PSTPIP2: variants seen among roughly 807,000 people sequenced by gnomAD.
PSTPIP2 encodes the protein proline-serine-threonine phosphatase interacting protein 2.
In PSTPIP2, 33 loss-of-function variants were observed where a neutral mutation model predicts 63.3. That is an observed-to-expected ratio of 0.52 (90% CI 0.40 to 0.70). The LOEUF (loss-of-function observed/expected upper bound fraction) is 0.70, where lower values mean the gene tolerates loss of function less well. PSTPIP2 is among the 30% of genes least tolerant of loss of function. The pLI is 0.00. For missense variants in PSTPIP2, 312 were observed against 400.7 expected (o/e 0.78, Z 1.89); for synonymous variants, 125 against 132.7 (o/e 0.94, Z 0.40).
intron 13 of PSTPIP2, among the ~76,000 whole-genome samples, chr18:45,990,329 T>G (rs1310862662): frequency 6.6e-6 from 1 of 152,244 alleles, no homozygotes; most frequent in Non-Finnish European, 1.5e-5. Flanking sequence ...GGAATTTGAT[T>G]CTATTTAATC....
intron 5 of PSTPIP2, among the ~76,000 whole-genome samples, chr18:46,008,563 C>T (rs1192851624): frequency 1.3e-5 from 2 of 152,102 alleles, no homozygotes; most frequent in Non-Finnish European, 2.9e-5. Flanking sequence ...GCGCCCACCT[C>T]GGCAAAGTGC....
At chr18:46,003,079 T>A (rs914703626) in intron 6 of PSTPIP2, among the ~76,000 whole-genome samples, 1 of 152,234 alleles carries the variant, frequency 6.6e-6, no homozygotes, top group Non-Finnish European at 1.5e-5. Flanking sequence ...ATCTCATTAC[T>A]GTCATGTGAG....
chr18:46,010,312 C>T (rs997314979), intron 5 of PSTPIP2, among the ~76,000 whole-genome samples: 4 of 152,140 alleles, frequency 2.6e-5, no homozygotes, highest in South Asian at 2.1e-4. Flanking sequence ...AAGGGACCCC[C>T]GGGCAGGGTG....
chr18:46,044,661 A>G (rs918846495), intron 1 of PSTPIP2, among the ~76,000 whole-genome samples: 1 of 152,062 alleles, frequency 6.6e-6, no homozygotes, highest in Non-Finnish European at 1.5e-5. Context: ...GACAAATGGG[A>G]TCTAATTCAA....
At chr18:46,021,442 A>ATATAT (rs67578476) in intron 3 of PSTPIP2, among the ~76,000 whole-genome samples, 2 of 150,082 alleles carry the variant, frequency 1.3e-5, no homozygotes, top group Non-Finnish European at 3.0e-5. Flanking sequence ...TATATATATA[A>ATATAT]AAAACCAAAT....
intron 14 of PSTPIP2, 110 bp downstream of exon 14, chr18:45,988,592 T>C: frequency 3.2e-6 from 3 of 926,488 alleles, no homozygotes; most frequent in Non-Finnish European, 5.1e-6. Flanking sequence ...ACCTGCCTCA[T>C]GCAAGGCCTT....
intron 1 of PSTPIP2, among the ~76,000 whole-genome samples, chr18:46,059,858 T>C (rs1245826575): frequency 6.6e-6 from 1 of 151,872 alleles, no homozygotes; most frequent in East Asian, 1.9e-4. Flanking sequence ...TGAAACCCCG[T>C]CTCTAATAAA....
intron 1 of PSTPIP2, among the ~76,000 whole-genome samples, chr18:46,055,100 C>A (rs779733436): frequency 6.6e-6 from 1 of 152,120 alleles, no homozygotes; most frequent in Non-Finnish European, 1.5e-5. Flanking sequence ...TCTTTCTGTT[C>A]CTCTAACTGA....
intron 2 of PSTPIP2, among the ~76,000 whole-genome samples, chr18:46,037,735 C>A (rs983148562): frequency 2.6e-5 from 4 of 152,198 alleles, no homozygotes; most frequent in African/African-American, 7.2e-5. Flanking sequence ...GCCAAGCAGG[C>A]CACACGCTCA....
In PSTPIP2 at chr18:46,067,360, G is replaced by A. The variant is rs536175377; in HGVS notation, c.33+4796C>T. ...TACTAAAAATACAAAAAAATTAGCC[G>A]GGCGTGGTGGCGGGCCCCTGTAGTC... On this transcript the variant is annotated intron_variant, in intron 1 of 14. Transcript: ENST00000409746. Among the ~76,000 whole-genome samples the A allele has an allele frequency of 9.9e-5, 15 of 151,884 alleles. No individual in the cohort carries two copies. In the East Asian group the frequency reaches 1.4e-3, roughly 14 times the overall value.
At chr18:46,014,985 G>A (rs756346081) in intron 4 of PSTPIP2, among the ~76,000 whole-genome samples, 7 of 152,220 alleles carry the variant, frequency 4.6e-5, no homozygotes, top group Middle Eastern at 3.4e-3. Context: ...CTGAGGACCC[G>A]CAATATGGAA....
chr18:46,059,882 T>G (rs546387726), intron 1 of PSTPIP2, among the ~76,000 whole-genome samples: 1 of 151,908 alleles, frequency 6.6e-6, no homozygotes, highest in Non-Finnish European at 1.5e-5. Context: ...ACAAAAAAAA[T>G]TACCCGGGCG....
intron 3 of PSTPIP2, among the ~76,000 whole-genome samples, chr18:46,019,494 T>C (rs1263715916): frequency 6.6e-6 from 1 of 152,110 alleles, no homozygotes; most frequent in Non-Finnish European, 1.5e-5. Context: ...AGGAGCACAA[T>C]GCATTATAAC....
At chr18:45,993,752 T>C (rs745406975) in intron 9 of PSTPIP2, 49 bp from the exon 10 acceptor site, 1 of 1,526,702 alleles carries the variant, frequency 6.6e-7, no homozygotes, top group South Asian at 1.1e-5. Context: ...AAAAGGACCA[T>C]TCATTTTGGC....
chr18:46,062,806 T>C (rs1259932687), intron 1 of PSTPIP2, among the ~76,000 whole-genome samples: 1 of 151,808 alleles, frequency 6.6e-6, no homozygotes, highest in Non-Finnish European at 1.5e-5. Context: ...GGAGCCACCA[T>C]CCCGGCAGGT....
chr18:46,032,123 G>T (rs1568223590), intron 2 of PSTPIP2, among the ~76,000 whole-genome samples: 1 of 152,150 alleles, frequency 6.6e-6, no homozygotes, highest in Non-Finnish European at 1.5e-5. Flanking sequence ...TGTCTCATCT[G>T]ATCATCAATT....
At chr18:46,028,935 T>C in intron 2 of PSTPIP2, 1 of 1,371,910 alleles carries the variant, frequency 7.3e-7, no homozygotes, top group Non-Finnish European at 1.0e-6. Context: ...ACTGCCAGCA[T>C]GGTAATGCTG....
At chr18:46,048,055 G>A (rs1463642800) in intron 1 of PSTPIP2, among the ~76,000 whole-genome samples, 3 of 152,206 alleles carry the variant, frequency 2.0e-5, no homozygotes, top group Non-Finnish European at 4.4e-5. Context: ...AAAGGACATT[G>A]CAGATGTCAT....
intron 1 of PSTPIP2, among the ~76,000 whole-genome samples, chr18:46,062,452 C>T (rs1599750718): frequency 6.6e-6 from 1 of 150,712 alleles, no homozygotes; most frequent in African/African-American, 2.4e-5. Context: ...ACCAGCCTGG[C>T]CAACATGGTG....
Sources: gnomAD v4.1 joint callset for allele counts (sites outside exome capture counted in the v4.1 genomes callset) on GRCh38, gnomAD v4.1.1 for gene constraint, MANE v1.5 for transcripts, NCBI Gene and HGNC (gene_info 2026-07-23, HGNC 2026-07-21) for gene names.